CENPP: variants seen among roughly 807,000 people sequenced by gnomAD.
The protein encoded by CENPP is centromere protein P.
A neutral mutation model predicts 35.6 loss-of-function variants in CENPP; 24 were observed. The ratio of observed to expected loss-of-function variants is 0.67; its 90% CI spans 0.49 to 0.95. The LOEUF is 0.95. Among genes scored for constraint, CENPP ranks in the 40% least tolerant of loss-of-function variants. CENPP has a pLI of 0.00. For missense variants in CENPP, 332 were observed against 345.3 expected (o/e 0.96, Z 0.31); for synonymous variants, 120 against 125.5 (o/e 0.96, Z 0.29).
At chr9:92,363,531 T>G (rs1463889158) in intron 4 of CENPP, among the ~76,000 whole-genome samples, 1 of 152,192 alleles carries the variant, frequency 6.6e-6, no homozygotes, top group East Asian at 1.9e-4. Flanking sequence ...CGGTTTGCAG[T>G]AGGCTGTACC....
At chr9:92,540,486 A>G (rs1027781247) in intron 5 of CENPP, among the ~76,000 whole-genome samples, 17 of 151,758 alleles carry the variant, frequency 1.1e-4, no homozygotes, top group Admixed American at 2.6e-4. Context: ...AAAATAATCA[A>G]TGAAGGCTGG....
At chr9:92,471,706 G>A (rs1193575365) in intron 5 of CENPP, among the ~76,000 whole-genome samples, 7 of 141,484 alleles carry the variant, frequency 4.9e-5, no homozygotes, top group Non-Finnish European at 7.5e-5. Flanking sequence ...TTGCTCTGTC[G>A]CCCCGGCTGG....
chr9:92,420,340 C>T (rs76124939), intron 5 of CENPP, among the ~76,000 whole-genome samples: 210 of 152,318 alleles, frequency 1.4e-3, no homozygotes, highest in African/African-American at 4.6e-3. Flanking sequence ...TGATCACTAT[C>T]GTTGCTCTTT....
At chr9:92,348,004 A>G (rs1286989381) in intron 4 of CENPP, among the ~76,000 whole-genome samples, 1 of 151,994 alleles carries the variant, frequency 6.6e-6, no homozygotes, top group Non-Finnish European at 1.5e-5. Flanking sequence ...GCTCACTGCA[A>G]CCTCTGCCTC....
chr9:92,335,428 G>A (rs1386864547), intron 2 of CENPP, among the ~76,000 whole-genome samples: 3 of 151,990 alleles, frequency 2.0e-5, no homozygotes, highest in African/African-American at 7.2e-5. Context: ...TTTCTTTACC[G>A]CATTTTTGGC....
At chr9:92,383,657 T>C (rs2130874261) in intron 5 of CENPP, among the ~76,000 whole-genome samples, 1 of 152,276 alleles carries the variant, frequency 6.6e-6, no homozygotes, top group South Asian at 2.1e-4. Context: ...TGATTTAAGG[T>C]TGTGTATATG....
intron 5 of CENPP, among the ~76,000 whole-genome samples, chr9:92,436,475 T>C (rs1274782763): frequency 6.6e-6 from 1 of 152,250 alleles, no homozygotes; most frequent in Admixed American, 6.5e-5. Context: ...CTAAGAACTC[T>C]TTACAAAGTC....
chr9:92,566,312 C>A (rs975695428), intron 5 of CENPP, among the ~76,000 whole-genome samples: 13 of 147,118 alleles, frequency 8.8e-5, no homozygotes, highest in African/African-American at 2.3e-4. Flanking sequence ...AAAAAAAAAA[C>A]AAAAACACAA....
intron 5 of CENPP, among the ~76,000 whole-genome samples, chr9:92,570,097 C>G (rs919812464): frequency 4.6e-5 from 7 of 152,120 alleles, no homozygotes; most frequent in African/African-American, 1.4e-4. Flanking sequence ...ATTGCTCTGG[C>G]CAGAGCTTCC....
chr9:92,466,255 C>A (rs1310666156), intron 5 of CENPP: 7 of 801,586 alleles, frequency 8.7e-6, no homozygotes, highest in Admixed American at 2.8e-5. Context: ...AAAGATTATT[C>A]AAAAATTAAT....
At chr9:92,458,577 C>A (rs1366957893) in intron 5 of CENPP, among the ~76,000 whole-genome samples, 1 of 152,154 alleles carries the variant, frequency 6.6e-6, no homozygotes, top group Non-Finnish European at 1.5e-5. Context: ...TGTGGACATT[C>A]ATTGAAATAT....
chr9:92,571,557 T>C (rs1245309140), intron 5 of CENPP, among the ~76,000 whole-genome samples: 1 of 152,216 alleles, frequency 6.6e-6, no homozygotes, highest in Non-Finnish European at 1.5e-5. Flanking sequence ...GTATATTCTG[T>C]TGATTTGGAG....
intron 1 of CENPP, among the ~76,000 whole-genome samples, chr9:92,330,670 T>C (rs1219436691): frequency 6.8e-6 from 1 of 146,068 alleles, no homozygotes; most frequent in Non-Finnish European, 1.5e-5. Flanking sequence ...AAGTTTAAGT[T>C]TTTTTTTTCT....
At chr9:92,496,954 A>T (rs1158240191) in intron 5 of CENPP, among the ~76,000 whole-genome samples, 1 of 152,100 alleles carries the variant, frequency 6.6e-6, no homozygotes, top group Non-Finnish European at 1.5e-5. Context: ...AAAAAAAAAA[A>T]ATCCAGAAGC....
At chr9:92,433,713 C>G (rs1564317976) in intron 5 of CENPP, among the ~76,000 whole-genome samples, 1 of 152,144 alleles carries the variant, frequency 6.6e-6, no homozygotes, top group Non-Finnish European at 1.5e-5. Flanking sequence ...AGGCAGATCA[C>G]TTGAGGTCAG....
intron 5 of CENPP, chr9:92,466,218 A>G (rs1845306054): frequency 1.6e-6 from 1 of 624,972 alleles, no homozygotes; most frequent in Admixed American, 2.9e-5. Context: ...GGACATTTTA[A>G]TTGGTTTATA....
chr9:92,459,817 G>A (rs1469580461), intron 5 of CENPP: 1 of 1,584,196 alleles, frequency 6.3e-7, no homozygotes. Flanking sequence ...ATGGTTAGGT[G>A]TGATAGAGTT....
In CENPP at chr9:92,481,247, CCT is replaced by C. The variant is rs566805012; in HGVS notation, c.564+101391_564+101392del. 5.1e-4 allele frequency among the ~76,000 whole-genome samples: 78 copies of C among 152,248 alleles called. 1 individual carries two copies. The Middle Eastern group carries it at 0.014, about 27-fold the overall frequency. On this transcript the variant is annotated intron_variant, in intron 5 of 7. Transcript: ENST00000375587. ...TTAGTTGTAACAGAAGACTATATAT[CCT>C]CTGTTCTTTCCACTACTACACTATA... is the stretch of plus-strand genomic sequence containing the variant.
intron 5 of CENPP, among the ~76,000 whole-genome samples, chr9:92,405,465 CA>C (rs1282789995): frequency 6.6e-6 from 1 of 152,036 alleles, no homozygotes; most frequent in East Asian, 1.9e-4. Flanking sequence ...CCTTTCAAAT[CA>C]AAGCTTAAAT....
Sources: allele counts gnomAD v4.1 joint callset (sites outside exome capture counted in the v4.1 genomes callset), GRCh38; gene constraint gnomAD v4.1.1; transcripts MANE v1.5; gene names NCBI Gene and HGNC (gene_info 2026-07-23, HGNC 2026-07-21).